REDIC1: variants seen among roughly 807,000 people sequenced by gnomAD.
REDIC1 encodes the protein HEI10 Interacting Protein 1.
chr12:39,765,097 A>C, the REDIC1 span, among the ~76,000 whole-genome samples: 2 of 152,106 alleles, frequency 1.3e-5, no homozygotes, highest in Non-Finnish European at 2.9e-5. Context: ...CATTTCACAT[A>C]AATTAGACAT....
the REDIC1 span, among the ~76,000 whole-genome samples, chr12:39,814,318 C>T: frequency 6.6e-6 from 1 of 152,144 alleles, no homozygotes; most frequent in Non-Finnish European, 1.5e-5. Flanking sequence ...GAATTATGTA[C>T]TTATAATTTC....
the REDIC1 span, among the ~76,000 whole-genome samples, chr12:39,663,897 A>G: frequency 6.6e-6 from 1 of 151,684 alleles, no homozygotes; most frequent in African/African-American, 2.4e-5. Context: ...TGGCTTGGAA[A>G]TGTTTTTATT....
At chr12:39,713,298 A>G in the REDIC1 span, among the ~76,000 whole-genome samples, 3 of 28,740 alleles carry the variant, frequency 1.0e-4, no homozygotes, top group Non-Finnish European at 4.8e-4. Context: ...ATATATGTGT[A>G]CACACACATA....
chr12:39,693,416 AT>A, the REDIC1 span, among the ~76,000 whole-genome samples: 1,069 of 139,928 alleles, frequency 7.6e-3, 4 homozygotes, highest in African/African-American at 0.013. Flanking sequence ...CAACATGAGT[AT>A]TTTTTTTTTT....
At chr12:39,679,147 T>C in the REDIC1 span, among the ~76,000 whole-genome samples, 1 of 152,008 alleles carries the variant, frequency 6.6e-6, no homozygotes, top group Non-Finnish European at 1.5e-5. Flanking sequence ...GTACTGGAAG[T>C]CCTAGCCAGA....
chr12:39,764,966 T>A, the REDIC1 span: 1 of 1,258,362 alleles, frequency 7.9e-7, no homozygotes, highest in Non-Finnish European at 1.1e-6. Flanking sequence ...GTCTTAAGAG[T>A]CCAAAATGTT....
the REDIC1 span, chr12:39,802,415 G>A: frequency 2.0e-5 from 3 of 152,136 alleles, no homozygotes; most frequent in Admixed American, 1.3e-4. Flanking sequence ...AGACTAAGAT[G>A]GTTGATGCAC....
chr12:39,705,093 TAAAA>T, the REDIC1 span, among the ~76,000 whole-genome samples: 1 of 149,326 alleles, frequency 6.7e-6, no homozygotes, highest in Non-Finnish European at 1.5e-5. Flanking sequence ...AAAATTAAAT[TAAAA>T]AAATAAATAA....
the REDIC1 span, among the ~76,000 whole-genome samples, chr12:39,641,597 G>T: frequency 1.7e-4 from 26 of 151,830 alleles, no homozygotes; most frequent in Middle Eastern, 3.4e-3. Context: ...TATGGCATAT[G>T]CAAGTAATAG....
chr12:39,680,510 TACTTTTAC>T, the REDIC1 span, among the ~76,000 whole-genome samples: 1 of 152,278 alleles, frequency 6.6e-6, no homozygotes, highest in South Asian at 2.1e-4. Context: ...GAAAAGGGAA[TACTTTTAC>T]ACTGCTGGTG....
At chr12:39,646,838 A>G in the REDIC1 span, 1 of 1,582,306 alleles carries the variant, frequency 6.3e-7, no homozygotes. Flanking sequence ...TCTTTTCATT[A>G]GTGTAAACTG....
chr12:39,858,609 TTTTG>T, the REDIC1 span, among the ~76,000 whole-genome samples: 18 of 152,252 alleles, frequency 1.2e-4, no homozygotes, highest in East Asian at 1.7e-3. Context: ...ACACATTTCT[TTTTG>T]TTTGTTTGTT....
At chr12:39,784,262 G>T in the REDIC1 span, among the ~76,000 whole-genome samples, 1 of 152,106 alleles carries the variant, frequency 6.6e-6, no homozygotes, top group African/African-American at 2.4e-5. Flanking sequence ...AGCCCGCATT[G>T]CCAAGTCAAT....
chr12:39,864,923 T>C, the REDIC1 span: 1 of 1,559,430 alleles, frequency 6.4e-7, no homozygotes, highest in Non-Finnish European at 8.7e-7. Context: ...GAGTTGACAA[T>C]ATTGTTTTAA....
chr12:39,753,799 C>T, the REDIC1 span, among the ~76,000 whole-genome samples: 2 of 152,164 alleles, frequency 1.3e-5, no homozygotes, highest in Non-Finnish European at 2.9e-5. Context: ...TGATAACCTT[C>T]ACTACACACA....
the REDIC1 span, among the ~76,000 whole-genome samples, chr12:39,673,376 A>G: frequency 5.3e-5 from 8 of 152,190 alleles, no homozygotes; most frequent in African/African-American, 1.9e-4. Context: ...AGATCCTGAA[A>G]TTCATTCTTC....
the REDIC1 span, among the ~76,000 whole-genome samples, chr12:39,670,341 C>T: frequency 6.6e-6 from 1 of 152,158 alleles, no homozygotes; most frequent in African/African-American, 2.4e-5. Flanking sequence ...CAGGTGCATG[C>T]CACCACACCC....
the REDIC1 span, among the ~76,000 whole-genome samples, chr12:39,734,412 T>A: frequency 6.6e-6 from 1 of 152,214 alleles, no homozygotes; most frequent in Non-Finnish European, 1.5e-5. Flanking sequence ...AGGGCAAAAG[T>A]TTTAAATTTT....
chr12:39,712,821 G>T, the REDIC1 span, among the ~76,000 whole-genome samples: 1 of 144,476 alleles, frequency 6.9e-6, no homozygotes, highest in Non-Finnish European at 1.5e-5. Context: ...GTATACATGT[G>T]TGTATGTATA....
Sources: gnomAD v4.1 joint callset for allele counts (sites outside exome capture counted in the v4.1 genomes callset) on GRCh38, gnomAD v4.1.1 for gene constraint, MANE v1.5 for transcripts, NCBI Gene and HGNC (gene_info 2026-07-23, HGNC 2026-07-21) for gene names.